LGSN: variants seen among roughly 807,000 people sequenced by gnomAD.
LGSN encodes lengsin.
LGSN carries 21 observed loss-of-function variants against 19.5 expected under a neutral mutation model. The observed-to-expected ratio is 1.07, with a 90% CI of 0.76 to 1.55. The LOEUF (loss-of-function observed/expected upper bound fraction) is 1.55, where lower values mean the gene tolerates loss of function less well. Among genes scored for constraint, LGSN ranks in the 40% most tolerant of loss-of-function variants. The pLI is 0.00. For missense variants in LGSN, 673 were observed against 608.5 expected (o/e 1.11, Z -1.12); for synonymous variants, 257 against 215.6 (o/e 1.19, Z -1.68).
the LGSN span, chr6:63,395,521 A>T: frequency 6.6e-6 from 1 of 152,272 alleles, no homozygotes; most frequent in East Asian, 1.9e-4. Context: ...TTATTGAAGG[A>T]CAGGAGTCTC....
the LGSN span, among the ~76,000 whole-genome samples, chr6:63,400,956 T>C: frequency 1.3e-5 from 2 of 152,226 alleles, no homozygotes; most frequent in South Asian, 4.1e-4. Flanking sequence ...ATGGCACCAT[T>C]GCACTCCAGC....
At chr6:63,318,499 G>A (rs1358753276) in intron 1 of LGSN, among the ~76,000 whole-genome samples, 1 of 152,118 alleles carries the variant, frequency 6.6e-6, no homozygotes, top group Non-Finnish European at 1.5e-5. Context: ...CAGTGGAGTT[G>A]GGTCAAGTGG....
intron 1 of LGSN, among the ~76,000 whole-genome samples, chr6:63,296,018 G>A (rs1315923139): frequency 6.6e-6 from 1 of 152,098 alleles, no homozygotes; most frequent in East Asian, 1.9e-4. Context: ...TCACATCTGT[G>A]GGCAAGTTAT....
chr6:63,435,470 T>C, the LGSN span, among the ~76,000 whole-genome samples: 90,681 of 152,030 alleles, frequency 0.6, 27,386 homozygotes, highest in African/African-American at 0.65. Context: ...AGTAAAGTTA[T>C]AGAAAGAACT....
chr6:63,558,247 CAG>C, the LGSN span, among the ~76,000 whole-genome samples: 1 of 151,744 alleles, frequency 6.6e-6, no homozygotes, highest in Non-Finnish European at 1.5e-5. Flanking sequence ...CAATACAACT[CAG>C]AAAATATTGT....
the LGSN span, among the ~76,000 whole-genome samples, chr6:63,508,167 T>C: frequency 6.6e-6 from 1 of 152,226 alleles, no homozygotes; most frequent in African/African-American, 2.4e-5. Flanking sequence ...ACTTTTTGAA[T>C]GCTTTTCTAA....
At chr6:63,403,101 C>CAGAG in the LGSN span, among the ~76,000 whole-genome samples, 16 of 148,850 alleles carry the variant, frequency 1.1e-4, no homozygotes, top group African/African-American at 3.7e-4. Flanking sequence ...GAGAGAGAGA[C>CAGAG]AGAGAGAGAG....
intron 1 of LGSN, among the ~76,000 whole-genome samples, chr6:63,309,046 A>G (rs1401439258): frequency 6.6e-6 from 1 of 152,214 alleles, no homozygotes; most frequent in African/African-American, 2.4e-5. Flanking sequence ...TGCCACCTTC[A>G]TTATAATAGT....
the LGSN span, among the ~76,000 whole-genome samples, chr6:63,507,081 ATTTCTCTCT>A: frequency 6.6e-6 from 1 of 152,112 alleles, no homozygotes; most frequent in Admixed American, 6.5e-5. Context: ...TACAAAGTAC[ATTTCTCTCT>A]CCATACCAAG....
chr6:63,485,244 T>G, the LGSN span, among the ~76,000 whole-genome samples: 2 of 152,168 alleles, frequency 1.3e-5, no homozygotes, highest in Non-Finnish European at 2.9e-5. Context: ...TGTTCATGTC[T>G]TCCCATCATT....
the LGSN span, among the ~76,000 whole-genome samples, chr6:63,511,983 A>T: frequency 6.6e-6 from 1 of 152,188 alleles, no homozygotes; most frequent in African/African-American, 2.4e-5. Context: ...AACTGTAAGG[A>T]TACTTATTTT....
At position 63,276,531 on chromosome 6, in the gene LGSN, T is replaced by C. The variant is rs1425544579; in HGVS notation, c.*3490A>G. 1.3e-5 allele frequency: 2 copies of C among 152,172 alleles called. No homozygotes were observed. Among genetic ancestry groups the C allele is most frequent in the African/African-American group, 2.4e-5 (1 of 41,442 alleles). 9.4% of individuals were successfully genotyped at this position (152,172 alleles called of 1,614,324 possible). A position where few individuals can be genotyped will look rare whatever the true frequency, so the allele number is the denominator to read the frequency against. On this transcript the variant is annotated 3_prime_UTR_variant, in exon 4 of 4. Transcript: ENST00000370657. Reference sequence around the variant, plus strand: ...CTTTGATTAGAACAATTATAGTAAATGAAAATAAGAAAGCAATTTTTGTAA... The same window carrying C: ...CTTTGATTAGAACAATTATAGTAAACGAAAATAAGAAAGCAATTTTTGTAA...
At chr6:63,290,674 T>G (rs933740513) in intron 2 of LGSN, among the ~76,000 whole-genome samples, 4 of 152,366 alleles carry the variant, frequency 2.6e-5, no homozygotes, top group Admixed American at 1.3e-4. Context: ...AAGCATTTTC[T>G]GTAAAGGACC....
chr6:63,392,185 C>T, the LGSN span: 1 of 152,264 alleles, frequency 6.6e-6, no homozygotes, highest in African/African-American at 2.4e-5. Context: ...TACTCATGTA[C>T]TGATATGAAG....
chr6:63,388,863 T>G, the LGSN span, among the ~76,000 whole-genome samples: 1 of 152,234 alleles, frequency 6.6e-6, no homozygotes. Context: ...AGAGTATTGA[T>G]AAGCAGGCAG....
At chr6:63,494,799 G>A in the LGSN span, among the ~76,000 whole-genome samples, 6 of 152,110 alleles carry the variant, frequency 3.9e-5, no homozygotes, top group African/African-American at 7.2e-5. Flanking sequence ...TTCACAGTCC[G>A]TAGATTCTAA....
At chr6:63,354,920 GA>G in the LGSN span, among the ~76,000 whole-genome samples, 2,146 of 144,888 alleles carry the variant, frequency 0.015, 43 homozygotes, top group African/African-American at 0.045. Context: ...ATATATGGGA[GA>G]AAAAAAAAAA....
the LGSN span, chr6:63,443,588 T>C: frequency 9.5e-7 from 1 of 1,047,218 alleles, no homozygotes; most frequent in Non-Finnish European, 1.2e-6. Flanking sequence ...AGTGAGCTTG[T>C]CCCCAGCACC....
At chr6:63,510,169 T>C in the LGSN span, among the ~76,000 whole-genome samples, 1 of 152,194 alleles carries the variant, frequency 6.6e-6, no homozygotes, top group African/African-American at 2.4e-5. Flanking sequence ...AAAAGCAGCT[T>C]GTGACTGCCA....
Sources: gnomAD v4.1 joint callset for allele counts (sites outside exome capture counted in the v4.1 genomes callset) on GRCh38, gnomAD v4.1.1 for gene constraint, MANE v1.5 for transcripts, NCBI Gene and HGNC (gene_info 2026-07-23, HGNC 2026-07-21) for gene names.